The following CSF1R variants were observed in gnomAD, a reference collection of about 807,000 sequenced individuals.
CSF1R encodes colony stimulating factor 1 receptor.
Under a neutral mutation model 110.0 loss-of-function variants are expected in CSF1R, and 40 were observed. That is an observed-to-expected ratio of 0.36 (90% CI 0.28 to 0.47). CSF1R has a LOEUF of 0.47. Ranked by LOEUF, CSF1R falls within the 20% of genes least tolerant of loss-of-function variation. The pLI, the probability that CSF1R is intolerant of heterozygous loss-of-function variation, is 0.99. For synonymous variants in CSF1R, 523 were observed against 503.4 expected (o/e 1.04, Z -0.52); for missense variants, 1,052 against 1,253.0 (o/e 0.84, Z 2.42).
chr5:150,086,311 G>A, intron 1 of CSF1R, 68 bp downstream of exon 1: 1 of 1,490,158 alleles, frequency 6.7e-7, no homozygotes, highest in Non-Finnish European at 9.2e-7. Context: ...GGCAAGGACT[G>A]AATCCTTTCA....
intron 5 of CSF1R, among the ~76,000 whole-genome samples, chr5:150,076,728 C>T (rs748699530): frequency 1.3e-5 from 2 of 152,226 alleles, no homozygotes; most frequent in African/African-American, 4.8e-5. Context: ...TCCAAATGAT[C>T]TATGTTCTCT....
upstream of CSF1R, among the ~76,000 whole-genome samples, chr5:150,090,335 T>C (rs747652494): frequency 2.6e-5 from 4 of 152,188 alleles, no homozygotes; most frequent in Non-Finnish European, 4.4e-5. Flanking sequence ...TGCATAGTTC[T>C]ATGAGTTTTG....
chr5:150,104,267 C>G (rs1037643530), intron 1 of CSF1R, among the ~76,000 whole-genome samples: 1 of 152,238 alleles, frequency 6.6e-6, no homozygotes, highest in African/African-American at 2.4e-5. Context: ...GGGGTATAAC[C>G]AGCAAGAGGG....
chr5:150,073,665 G>T (rs1171401231), intron 5 of CSF1R, among the ~76,000 whole-genome samples, 172 bp from the exon 6 acceptor site: 1 of 152,086 alleles, frequency 6.6e-6, no homozygotes, highest in African/African-American at 2.4e-5. Context: ...ACCCCCTTCA[G>T]AATCCCTGGA....
chr5:150,104,940 G>A (rs1402501201), intron 1 of CSF1R, among the ~76,000 whole-genome samples: 3 of 150,878 alleles, frequency 2.0e-5, no homozygotes, highest in South Asian at 2.1e-4. Flanking sequence ...GTGCAGTGGC[G>A]TGATCTCAGC....
intron 1 of CSF1R, among the ~76,000 whole-genome samples, chr5:150,102,893 C>T (rs1008712124): frequency 6.6e-6 from 1 of 152,214 alleles, no homozygotes; most frequent in African/African-American, 2.4e-5. Flanking sequence ...TTTGTGTATT[C>T]ACACAGAAGT....
At chr5:150,075,667 A>G (rs756348500) in intron 5 of CSF1R, among the ~76,000 whole-genome samples, 3 of 152,138 alleles carry the variant, frequency 2.0e-5, no homozygotes, top group Non-Finnish European at 2.9e-5. Context: ...CACACACTTC[A>G]TGAGTCGGGG....
intron 6 of CSF1R, among the ~76,000 whole-genome samples, chr5:150,072,375 T>G (rs914735812): frequency 6.6e-6 from 1 of 151,980 alleles, no homozygotes; most frequent in African/African-American, 2.4e-5. Flanking sequence ...GCATCTGTAA[T>G]CCCAGCTACT....
chr5:150,073,552 T>C, intron 5 of CSF1R, 59 bp from the exon 6 acceptor site: 3 of 1,554,388 alleles, frequency 1.9e-6, no homozygotes, highest in Middle Eastern at 1.7e-4. Flanking sequence ...TGTTTATTTG[T>C]CCATTTTGTC....
Position 150,061,720 on chromosome 5 carries a change from C to T in CSF1R, c.1753+3G>A. 1 of 1,614,230 alleles carries T rather than the reference C, an allele frequency of 6.2e-7. No homozygotes were observed. The highest frequency in any genetic ancestry group is 1.3e-5 in the African/African-American group (1 of 75,062). On this transcript the variant is annotated splice_donor_region_variant and intron_variant, in intron 11 of 20. Coordinates refer to ENST00000675795, the MANE Select transcript of CSF1R (RefSeq NM_001288705.3). The stretch of plus-strand genomic sequence containing the variant: ...GCTGTGGAGTGATGAGCTGCCATCT[C>T]ACCAAACTGCAGGTTGTTCCGGGGG...
intron 1 of CSF1R, among the ~76,000 whole-genome samples, chr5:150,084,814 G>A (rs1173049134): frequency 1.3e-5 from 2 of 152,094 alleles, no homozygotes; most frequent in East Asian, 1.9e-4. Context: ...ATACTTTTCC[G>A]TTTTTGCCCC....
In CSF1R at chr5:150,054,403, G is replaced by A; in HGVS notation, c.2682C>T (p.Ala894=). The part of the protein sequence containing the change: ...NIYSIMQACW[A]LEPTHRPTFQ... ...AGGTGGGTCTGTGGGTGGGCTCCAAGGCCCAGCAGGCCTGCATGATGCTGT... is the reference window on the plus strand; with the variant it reads ...AGGTGGGTCTGTGGGTGGGCTCCAAAGCCCAGCAGGCCTGCATGATGCTGT... The change falls in exon 20 of 21, where the codon GCC becomes GCT. Residue 894 remains alanine, a synonymous_variant. Transcript: ENST00000675795. 1 of 1,613,624 alleles carries A rather than the reference G, an allele frequency of 6.2e-7. No homozygotes were observed. The highest frequency in any genetic ancestry group is 8.5e-7 in the Non-Finnish European group (1 of 1,179,804).
Position 150,059,828 on chromosome 5 carries a change from A to G in CSF1R, c.2004T>C (p.Tyr668=). 1.2e-6 allele frequency: 2 copies of G among 1,614,166 alleles called. No homozygotes were observed. Among genetic ancestry groups the G allele is most frequent in the Non-Finnish European group, 1.7e-6 (2 of 1,180,028 alleles). Residue 668 remains tyrosine (Y), a synonymous_variant, in exon 14 of 21, where the codon TAT becomes TAC. Coordinates refer to ENST00000675795, the MANE Select transcript of CSF1R (RefSeq NM_001288705.3). ...TTCGCAGAAAGTTGAGCAGGTCGCC[A>G]TAGCAACAGTACTCCGTGATGACCA... The part of the protein sequence containing the change: ...PVLVITEYCC[Y]GDLLNFLRRK...
At chr5:150,085,275 A>AG (rs1359277806) in intron 1 of CSF1R, among the ~76,000 whole-genome samples, 1 of 128,688 alleles carries the variant, frequency 7.8e-6, no homozygotes, top group Non-Finnish European at 1.7e-5. Context: ...ACTCTGTCTC[A>AG]GGAAAAAAAA....
At chr5:150,080,621 C>A (rs1416516159) in intron 2 of CSF1R, 146 bp downstream of exon 2, 9 of 1,072,442 alleles carry the variant, frequency 8.4e-6, no homozygotes, top group Non-Finnish European at 1.3e-6. Flanking sequence ...GTGAGGACTG[C>A]ATTACATTAG....
In CSF1R at chr5:150,061,773, T is replaced by C; in HGVS notation, c.1703A>G (p.Gln568Arg). 1 of 1,614,226 alleles carries C rather than the reference T, an allele frequency of 6.2e-7. No individual in the cohort carries two copies. Among genetic ancestry groups the C allele is most frequent in the Non-Finnish European group, 8.5e-7 (1 of 1,180,046 alleles). ...CTCCCACTTCTCGTTGTAAGGCAGC[T>C]GCGTGGGGTCGATGAAAGTATAACT... ...GNSYTFIDPTQLPYNEKWEFP... is the reference protein window; with the variant it reads ...GNSYTFIDPTRLPYNEKWEFP... The change falls in exon 11 of 21, where the codon CAG becomes CGG. Residue 568 changes from glutamine (Q) to arginine (R), a missense_variant. Transcript: ENST00000675795.
At chr5:150,068,535 T>G (rs1024169925) in intron 9 of CSF1R, among the ~76,000 whole-genome samples, 5 of 152,084 alleles carry the variant, frequency 3.3e-5, no homozygotes, top group Admixed American at 3.3e-4. Context: ...GCTCTGCTCA[T>G]GCCCAGCCCC....
rs369192640 is a variant in CSF1R at position 150,082,247 on chromosome 5, A to T, written c.50-1223T>A. On this transcript the variant is annotated intron_variant, in intron 1 of 20. Transcript: ENST00000675795. ...GGGGCACAATGACAGGCCAGCCCCG[A>T]GGGCTTTCGGTGAATTCAGGGTATC... is the stretch of plus-strand genomic sequence containing the variant. Among the ~76,000 whole-genome samples, 62 of 152,306 alleles carry T rather than the reference A, an allele frequency of 4.1e-4. No homozygotes were observed. The East Asian group carries it at 0.012, about 29-fold the overall frequency.
intron 1 of CSF1R, among the ~76,000 whole-genome samples, chr5:150,085,277 G>GAAAAA (rs70973563): frequency 1.8e-4 from 17 of 92,464 alleles, no homozygotes; most frequent in Admixed American, 9.7e-4. Flanking sequence ...TCTGTCTCAG[G>GAAAAA]AAAAAAAAAA....
Sources: gnomAD v4.1 joint callset for allele counts (sites outside exome capture counted in the v4.1 genomes callset) on GRCh38, gnomAD v4.1.1 for gene constraint, MANE v1.5 for transcripts, NCBI Gene and HGNC (gene_info 2026-07-23, HGNC 2026-07-21) for gene names.